GLIS3: variants seen among roughly 807,000 people sequenced by gnomAD.
GLIS3 encodes the protein zinc finger protein GLIS3.
A neutral mutation model predicts 78.6 loss-of-function variants in GLIS3; 53 were observed. The ratio of observed to expected loss-of-function variants is 0.67; its 90% CI spans 0.54 to 0.85. The LOEUF (loss-of-function observed/expected upper bound fraction) is 0.85. Among genes scored for constraint, GLIS3 ranks in the 40% least tolerant of loss-of-function variants. GLIS3 has a pLI of 0.00. For synonymous variants in GLIS3, 684 were observed against 509.9 expected (o/e 1.34, Z -4.60); for missense variants, 1,703 against 1,231.1 (o/e 1.38, Z -5.74).
At chr9:4,124,395 T>C (rs1832412248) in intron 3 of GLIS3, among the ~76,000 whole-genome samples, 1 of 152,224 alleles carries the variant, frequency 6.6e-6, no homozygotes, top group Non-Finnish European at 1.5e-5. Context: ...GTCTGTGCCC[T>C]GACTACTGTC....
At chr9:4,453,052 AG>A in the GLIS3 span, among the ~76,000 whole-genome samples, 1 of 152,210 alleles carries the variant, frequency 6.6e-6, no homozygotes, top group Non-Finnish European at 1.5e-5. Flanking sequence ...GACAAAAACA[AG>A]AAATAGGAAA....
chr9:4,147,590 C>G (rs1834325567), intron 2 of GLIS3: 1 of 152,270 alleles, frequency 6.6e-6, no homozygotes, highest in Non-Finnish European at 1.5e-5. Context: ...CATTCAGGAA[C>G]TGCCAGGACA....
chr9:4,379,177 G>A, the GLIS3 span, among the ~76,000 whole-genome samples: 6 of 152,010 alleles, frequency 3.9e-5, no homozygotes, highest in East Asian at 7.7e-4. Context: ...CTGTACATAA[G>A]GCAGTTCTCC....
intron 6 of GLIS3, among the ~76,000 whole-genome samples, chr9:3,930,973 C>T (rs991671792): frequency 2.6e-5 from 4 of 152,156 alleles, no homozygotes; most frequent in Non-Finnish European, 5.9e-5. Context: ...AGACTAAGCA[C>T]TTGCTTTCTA....
At chr9:4,324,008 T>C (rs1447608627) in intron 2 of GLIS3, among the ~76,000 whole-genome samples, 2 of 152,238 alleles carry the variant, frequency 1.3e-5, no homozygotes, top group Non-Finnish European at 2.9e-5. Flanking sequence ...GGTCTGTTTC[T>C]GGTCTTTTTG....
At chr9:4,157,807 T>C (rs953608559) in intron 2 of GLIS3, among the ~76,000 whole-genome samples, 1 of 152,198 alleles carries the variant, frequency 6.6e-6, no homozygotes, top group African/African-American at 2.4e-5. Context: ...ACAGTCCACA[T>C]CACGTATGCA....
chr9:4,067,923 A>G (rs1463692062), intron 4 of GLIS3, among the ~76,000 whole-genome samples: 2 of 152,160 alleles, frequency 1.3e-5, no homozygotes, highest in African/African-American at 4.8e-5. Context: ...AAAGATTATG[A>G]TGCAATTATT....
At chr9:3,918,315 G>A (rs1824655002) in intron 6 of GLIS3, among the ~76,000 whole-genome samples, 1 of 152,194 alleles carries the variant, frequency 6.6e-6, no homozygotes, top group Non-Finnish European at 1.5e-5. Flanking sequence ...TCTCTATGAT[G>A]TGTCTTGTGA....
At chr9:4,215,807 A>G (rs1402021917) in intron 2 of GLIS3, among the ~76,000 whole-genome samples, 1 of 152,230 alleles carries the variant, frequency 6.6e-6, no homozygotes, top group Admixed American at 6.5e-5. Context: ...CTTCTTCAAC[A>G]GTATGACAAT....
chr9:4,268,965 G>C (rs779009958), intron 2 of GLIS3, among the ~76,000 whole-genome samples: 4 of 152,176 alleles, frequency 2.6e-5, no homozygotes, highest in Non-Finnish European at 5.9e-5. Flanking sequence ...TACTTCAACA[G>C]CTGTTTAACA....
intron 2 of GLIS3, among the ~76,000 whole-genome samples, chr9:4,127,723 G>A (rs936002400): frequency 2.0e-5 from 3 of 151,928 alleles, no homozygotes; most frequent in South Asian, 2.1e-4. Context: ...CTTTCCCCAG[G>A]TCCCATTGCT....
At chr9:4,479,882 G>A in the GLIS3 span, among the ~76,000 whole-genome samples, 1 of 147,050 alleles carries the variant, frequency 6.8e-6, no homozygotes, top group Non-Finnish European at 1.5e-5. Flanking sequence ...TCATTCTCTT[G>A]ACCACACAAT....
chr9:4,321,759 A>C (rs1170195130), intron 2 of GLIS3, among the ~76,000 whole-genome samples: 1 of 151,968 alleles, frequency 6.6e-6, no homozygotes, highest in Non-Finnish European at 1.5e-5. Flanking sequence ...TCCAGGCTGG[A>C]GTGCAGTGGC....
chr9:4,129,336 T>G (rs978440140), intron 2 of GLIS3, among the ~76,000 whole-genome samples: 1 of 152,218 alleles, frequency 6.6e-6, no homozygotes, highest in Non-Finnish European at 1.5e-5. Context: ...GGGATAAAGT[T>G]AACCCTCCCT....
intron 2 of GLIS3, among the ~76,000 whole-genome samples, chr9:4,329,721 C>G (rs1292703381): frequency 1.3e-5 from 2 of 152,104 alleles, no homozygotes; most frequent in East Asian, 3.9e-4. Flanking sequence ...TCCAGCATAT[C>G]CGTGCCAGTA....
chr9:4,243,972 C>A (rs201673219), intron 2 of GLIS3, among the ~76,000 whole-genome samples: 2 of 152,232 alleles, frequency 1.3e-5, no homozygotes, highest in East Asian at 3.8e-4. Context: ...ACTTCTTTCC[C>A]TTGCTGAGAA....
intron 4 of GLIS3, among the ~76,000 whole-genome samples, chr9:4,082,697 A>T (rs961309315): frequency 6.6e-6 from 1 of 152,184 alleles, no homozygotes; most frequent in African/African-American, 2.4e-5. Flanking sequence ...TGAACCCTGA[A>T]ATCTGATTAA....
intron 4 of GLIS3, among the ~76,000 whole-genome samples, chr9:3,974,912 A>G (rs1271870365): frequency 6.6e-6 from 1 of 152,146 alleles, no homozygotes; most frequent in Non-Finnish European, 1.5e-5. Flanking sequence ...CAGAAATGTT[A>G]ACATTAAAAA....
intron 2 of GLIS3, among the ~76,000 whole-genome samples, chr9:4,327,980 A>G (rs1163526212): frequency 6.6e-6 from 1 of 152,120 alleles, no homozygotes; most frequent in Non-Finnish European, 1.5e-5. Context: ...GAAAGTAGGA[A>G]GGCAAAAGCC....
Sources: gnomAD v4.1 joint callset for allele counts (sites outside exome capture counted in the v4.1 genomes callset) on GRCh38, gnomAD v4.1.1 for gene constraint, MANE v1.5 for transcripts, NCBI Gene and HGNC (gene_info 2026-07-23, HGNC 2026-07-21) for gene names.